Variants in RALGAPA2 observed in about 807,000 individuals in gnomAD.
RALGAPA2 encodes the protein ral GTPase-activating protein subunit alpha-2.
A neutral mutation model predicts 230.4 loss-of-function variants in RALGAPA2; 139 were observed. That is an observed-to-expected ratio of 0.60 (90% CI 0.53 to 0.69). The LOEUF (loss-of-function observed/expected upper bound fraction) is 0.69. RALGAPA2 is among the 30% of genes least tolerant of loss of function. RALGAPA2 has a pLI of 0.00. For synonymous variants in RALGAPA2, 847 were observed against 837.8 expected (o/e 1.01, Z -0.19); for missense variants, 2,163 against 2,276.0 (o/e 0.95, Z 1.01).
intron 16 of RALGAPA2, among the ~76,000 whole-genome samples, chr20:20,593,495 G>T (rs2065357305): frequency 6.6e-6 from 1 of 152,240 alleles, no homozygotes; most frequent in Non-Finnish European, 1.5e-5. Flanking sequence ...CATAGGGCCA[G>T]CCCTTCCGGC....
intron 33 of RALGAPA2, among the ~76,000 whole-genome samples, chr20:20,506,284 T>C (rs566728943): frequency 9.7e-4 from 147 of 152,118 alleles, no homozygotes; most frequent in Non-Finnish European, 1.7e-3. Flanking sequence ...AGCCCTGCCA[T>C]TTTCTCTTTT....
At chr20:20,446,483 A>C (rs1434851109) in intron 37 of RALGAPA2, among the ~76,000 whole-genome samples, 1 of 152,214 alleles carries the variant, frequency 6.6e-6, no homozygotes, top group East Asian at 1.9e-4. Context: ...TAGGTTTTGA[A>C]ATCAACAAGG....
At chr20:20,485,957 T>C (rs118147686) in intron 36 of RALGAPA2, among the ~76,000 whole-genome samples, 72 of 152,182 alleles carry the variant, frequency 4.7e-4, no homozygotes, top group Non-Finnish European at 9.9e-4. Context: ...CTGGGCATCA[T>C]GGCAAAACCC....
At chr20:20,602,749 C>CTAAG (rs2065693907) in intron 15 of RALGAPA2, among the ~76,000 whole-genome samples, 1 of 152,076 alleles carries the variant, frequency 6.6e-6, no homozygotes, top group South Asian at 2.1e-4. Context: ...GTTTGCCTTC[C>CTAAG]TAAGATAAGT....
intron 16 of RALGAPA2, among the ~76,000 whole-genome samples, chr20:20,595,452 G>C (rs1311033504): frequency 1.3e-5 from 2 of 152,140 alleles, no homozygotes; most frequent in African/African-American, 4.8e-5. Flanking sequence ...ACCAGGTCCT[G>C]ACAAAAAAGC....
chr20:20,547,750 C>T (rs184984790), intron 23 of RALGAPA2, among the ~76,000 whole-genome samples: 97 of 152,282 alleles, frequency 6.4e-4, no homozygotes, highest in Non-Finnish European at 1.1e-3. Flanking sequence ...GAAGTACAGT[C>T]GTGTCGCTTT....
chr20:20,621,141 CAA>C (rs766431556), intron 10 of RALGAPA2, among the ~76,000 whole-genome samples: 30 of 101,074 alleles, frequency 3.0e-4, no homozygotes, highest in Admixed American at 3.2e-4. Context: ...ACTCAGTCTC[CAA>C]AAAAAAAAAA....
chr20:20,435,665 T>C (rs1245163795), intron 37 of RALGAPA2, among the ~76,000 whole-genome samples: 2 of 152,224 alleles, frequency 1.3e-5, no homozygotes, highest in Non-Finnish European at 2.9e-5. Flanking sequence ...AGGATAAAGA[T>C]GTGGCACAGT....
intron 36 of RALGAPA2, among the ~76,000 whole-genome samples, chr20:20,494,124 T>C (rs1397632189): frequency 6.6e-6 from 1 of 152,240 alleles, no homozygotes; most frequent in Non-Finnish European, 1.5e-5. Context: ...CCAGGCACTG[T>C]TTGAAGCACT....
At chr20:20,551,178 T>C (rs2063914609) in intron 23 of RALGAPA2, among the ~76,000 whole-genome samples, 1 of 152,246 alleles carries the variant, frequency 6.6e-6, no homozygotes, top group African/African-American at 2.4e-5. Flanking sequence ...TAGAACTTAA[T>C]ACAAAGAAGT....
intron 27 of RALGAPA2, among the ~76,000 whole-genome samples, chr20:20,530,307 G>C (rs1224277003): frequency 6.6e-6 from 1 of 152,110 alleles, no homozygotes; most frequent in Non-Finnish European, 1.5e-5. Context: ...GTGGCTGGAG[G>C]GACACTCTTC....
At chr20:20,675,436 C>G (rs1159407957) in intron 3 of RALGAPA2, among the ~76,000 whole-genome samples, 2 of 152,120 alleles carry the variant, frequency 1.3e-5, no homozygotes, top group Non-Finnish European at 2.9e-5. Context: ...AGCTCTGCAC[C>G]TGCTCACATT....
chr20:20,454,852 A>C (rs2123198072), intron 37 of RALGAPA2, among the ~76,000 whole-genome samples: 1 of 152,312 alleles, frequency 6.6e-6, no homozygotes, highest in East Asian at 1.9e-4. Flanking sequence ...TCAAATATAT[A>C]TATATTTTTA....
chr20:20,454,030 T>C (rs780981867), intron 37 of RALGAPA2, among the ~76,000 whole-genome samples: 1 of 152,148 alleles, frequency 6.6e-6, no homozygotes, highest in Non-Finnish European at 1.5e-5. Flanking sequence ...GGGCAGGATG[T>C]GTGTAAATAT....
chr20:20,477,630 G>C (rs2061681648), intron 36 of RALGAPA2, among the ~76,000 whole-genome samples: 2 of 152,136 alleles, frequency 1.3e-5, no homozygotes, highest in South Asian at 4.2e-4. Flanking sequence ...CTGTTGCTTA[G>C]GCTAGAGTGC....
chr20:20,473,570 A>C (rs577770421), intron 36 of RALGAPA2, among the ~76,000 whole-genome samples: 1 of 152,174 alleles, frequency 6.6e-6, no homozygotes, highest in African/African-American at 2.4e-5. Flanking sequence ...GCAGCCTGGA[A>C]CTTCTGGGCT....
chr20:20,686,936 G>T (rs2068723862), intron 1 of RALGAPA2, among the ~76,000 whole-genome samples: 1 of 152,106 alleles, frequency 6.6e-6, no homozygotes, highest in Non-Finnish European at 1.5e-5. Context: ...AGGAGCTCGT[G>T]TTCAGTTCTC....
intron 38 of RALGAPA2, among the ~76,000 whole-genome samples, chr20:20,403,218 T>G (rs990408970): frequency 6.6e-6 from 1 of 152,148 alleles, no homozygotes; most frequent in Non-Finnish European, 1.5e-5. Context: ...AAGGTGAGCC[T>G]CCAGTGAAGG....
At position 20,583,281 on chromosome 20, in the gene RALGAPA2, G is replaced by A. The variant is rs2065041001; in HGVS notation, c.2531-55C>T. 3 of 1,500,154 alleles carry A rather than the reference G, an allele frequency of 2.0e-6. No homozygotes were observed. In the South Asian group the frequency reaches 3.8e-5, roughly 19 times the overall value. The allele number at this position is 1,500,154 out of a possible 1,614,324, so 92.9% of individuals were successfully genotyped here. A position where few individuals can be genotyped will look rare whatever the true frequency, so the allele number is the denominator to read the frequency against. On this transcript the variant is annotated intron_variant, in intron 19 of 39. Coordinates refer to ENST00000202677, the MANE Select transcript of RALGAPA2 (RefSeq NM_020343.4). ...ATAAAAAATAGCTGAAAATCAGAATGTTCACAATTACTGATACGAAAGTAA... is the reference window on the plus strand; with the variant it reads ...ATAAAAAATAGCTGAAAATCAGAATATTCACAATTACTGATACGAAAGTAA...
Sources: allele counts gnomAD v4.1 joint callset (sites outside exome capture counted in the v4.1 genomes callset), GRCh38; gene constraint gnomAD v4.1.1; transcripts MANE v1.5; gene names NCBI Gene and HGNC (gene_info 2026-07-23, HGNC 2026-07-21).